The following ANO3 variants were observed in gnomAD, a reference collection of about 807,000 sequenced individuals.
ANO3 encodes the protein anoctamin-3.
Under a neutral mutation model 144.8 loss-of-function variants are expected in ANO3, and 99 were observed. The observed-to-expected ratio is 0.68, with a 90% confidence interval of 0.58 to 0.81. ANO3 has a LOEUF of 0.81. Ranked by LOEUF, ANO3 falls within the 30% of genes least tolerant of loss-of-function variation. The pLI is 0.00. For missense variants in ANO3, 905 were observed against 1,202.2 expected, an observed-to-expected ratio of 0.75 and a Z score of 3.66; for synonymous variants, 414 against 392.6, an observed-to-expected ratio of 1.05 and a Z score of -0.64.
At chr11:26,286,344 A>T (rs2133849053) in intron 1 of ANO3, among the ~76,000 whole-genome samples, 1 of 152,326 alleles carries the variant, frequency 6.6e-6, no homozygotes, top group South Asian at 2.1e-4. Context: ...GTCAATATTT[A>T]GTTCAGGGGT....
chr11:26,441,918 G>T lies in ANO3; in HGVS notation c.47G>T (p.Gly16Val), dbSNP rs1408780131. 16 of 1,609,310 alleles carry T rather than the reference G, an allele frequency of 9.9e-6. No homozygotes were observed. The highest frequency in any genetic ancestry group is 1.1e-5 in the Non-Finnish European group (13 of 1,178,158). ...GSIQSFKQQK[G>V]MNISKSEITK... Reference sequence around the variant, plus strand: ...AAAACTCAACATTTTGGATTTGCAGGTATGAATATAAGCAAGAGTGAGATA... The same window carrying T: ...AAAACTCAACATTTTGGATTTGCAGTTATGAATATAAGCAAGAGTGAGATA... The change falls in exon 2 of 27, where the codon GGT becomes GTT. Residue 16 changes from glycine to valine, a missense_variant and splice_region_variant. Physicochemically the swap from Gly to Val is moderately radical, Grantham distance 109 (BLOSUM62 -3). Around this residue, in one of 4 missense-constraint regions of ANO3, gnomAD observed 174 missense variants for 171.9 expected, o/e 1.01. Transcript: ENST00000256737.
At chr11:26,382,205 C>T (rs1856606796) in intron 1 of ANO3, among the ~76,000 whole-genome samples, 1 of 152,080 alleles carries the variant, frequency 6.6e-6, no homozygotes, top group Admixed American at 6.6e-5. Flanking sequence ...TGAAACATGT[C>T]AGTTAGGATT....
intron 1 of ANO3, among the ~76,000 whole-genome samples, chr11:26,261,786 C>G (rs755612719): frequency 4.6e-5 from 7 of 152,204 alleles, no homozygotes; most frequent in South Asian, 2.1e-4. Flanking sequence ...AATGGCTTAG[C>G]TTTGTAAAAG....
At chr11:26,416,437 T>C (rs1238010973) in intron 1 of ANO3, among the ~76,000 whole-genome samples, 1 of 150,982 alleles carries the variant, frequency 6.6e-6, no homozygotes, top group Non-Finnish European at 1.5e-5. Flanking sequence ...TCTTTCTTTC[T>C]TTTTTTTTGA....
At chr11:26,283,324 AT>A (rs1371819004) in intron 1 of ANO3, among the ~76,000 whole-genome samples, 446 of 18,274 alleles carry the variant, frequency 0.024, 9 homozygotes, top group African/African-American at 0.14. Flanking sequence ...ATAAATAAAT[AT>A]ATATATATAT....
chr11:26,640,003 C>T (rs185267442), intron 21 of ANO3, among the ~76,000 whole-genome samples: 1 of 140,752 alleles, frequency 7.1e-6, no homozygotes, highest in East Asian at 2.1e-4. Flanking sequence ...GGTTATATAT[C>T]AAATTATATT....
At chr11:26,513,736 G>A (rs892359278) in intron 5 of ANO3, among the ~76,000 whole-genome samples, 1 of 152,034 alleles carries the variant, frequency 6.6e-6, no homozygotes, top group African/African-American at 2.4e-5. Context: ...AATCCTGCAG[G>A]GAACCATTAG....
chr11:26,598,347 C>T lies in ANO3; in HGVS notation c.1448-18C>T, dbSNP rs1411233405. Reference sequence around the variant, plus strand: ...TGATGTGATTTGGGTAAAGAATTATCATTTTTATATTTTATAGCCACAGTC... The same window carrying T: ...TGATGTGATTTGGGTAAAGAATTATTATTTTTATATTTTATAGCCACAGTC... On this transcript the variant is annotated intron_variant, in intron 14 of 26. Transcript: ENST00000256737. 3 of 1,428,646 alleles carry T rather than the reference C, an allele frequency of 2.1e-6. No homozygotes were observed. Among genetic ancestry groups the T allele is most frequent in the Non-Finnish European group, 2.8e-6 (3 of 1,064,054 alleles). The allele number at this position is 1,428,646 out of a possible 1,614,324, so 88.5% of individuals were successfully genotyped here. A position where few individuals can be genotyped will look rare whatever the true frequency, so the allele number is the denominator to read the frequency against.
chr11:26,506,150 C>G (rs532375087), intron 4 of ANO3, among the ~76,000 whole-genome samples: 1 of 152,152 alleles, frequency 6.6e-6, no homozygotes, highest in Non-Finnish European at 1.5e-5. Context: ...CAAAAAAATT[C>G]CCTCACCTAA....
chr11:26,443,638 A>G, intron 2 of ANO3, 127 bp from the exon 3 acceptor site: 1 of 507,340 alleles, frequency 2.0e-6, no homozygotes, highest in Non-Finnish European at 3.4e-6. Context: ...TAAATAACTA[A>G]TTTTAATTCA....
chr11:26,403,272 CTT>C (rs1322776310), intron 1 of ANO3, among the ~76,000 whole-genome samples: 1 of 151,852 alleles, frequency 6.6e-6, no homozygotes, highest in Admixed American at 6.6e-5. Flanking sequence ...GGCTCTCTCT[CTT>C]TTATTGCAAT....
intron 1 of ANO3, among the ~76,000 whole-genome samples, chr11:26,429,900 G>A (rs1858029142): frequency 6.6e-6 from 1 of 151,314 alleles, no homozygotes; most frequent in Admixed American, 6.6e-5. Flanking sequence ...CTAATAGAAA[G>A]TTAACACCCT....
rs191699497 is a variant in ANO3 at position 26,564,827 on chromosome 11, G to T, written c.1447+5048G>T. The stretch of plus-strand genomic sequence containing the variant: ...ATTCACATGAGCATGTGAAATTTCA[G>T]GTAGTCTTTTCAAGATTCATTGAAA... On this transcript the variant is annotated intron_variant, in intron 14 of 26. Transcript: ENST00000256737. 9.1e-5 allele frequency among the ~76,000 whole-genome samples: 12 copies of T among 132,532 alleles called. No homozygotes were observed. The South Asian group carries it at 2.3e-3, about 25-fold the overall frequency. The allele number at this position is 132,532 out of a possible 152,430, so 86.9% of individuals were successfully genotyped here.
At chr11:26,657,988 A>G (rs77742780) in intron 26 of ANO3, among the ~76,000 whole-genome samples, 122 of 151,994 alleles carry the variant, frequency 8.0e-4, no homozygotes, top group African/African-American at 2.9e-3. Flanking sequence ...CCATTTGTCT[A>G]TTTTTGATTT....
chr11:26,243,993 T>C (rs113320494), intron 1 of ANO3, among the ~76,000 whole-genome samples: 85 of 151,848 alleles, frequency 5.6e-4, no homozygotes, highest in African/African-American at 2.0e-3. Context: ...TGGAGGTGTC[T>C]GTAGTCCCAG....
rs1212931199 is a variant in ANO3 at position 26,662,052 on chromosome 11, T to C, written c.*1608T>C. 6.6e-6 allele frequency: 1 copy of C among 152,128 alleles called. No homozygotes were observed. Among genetic ancestry groups the C allele is most frequent in the East Asian group, 1.9e-4 (1 of 5,194 alleles). The allele number at this position is 152,128 out of a possible 1,614,324, so 9.4% of individuals were successfully genotyped here. A position where few individuals can be genotyped will look rare whatever the true frequency, so the allele number is the denominator to read the frequency against. On this transcript the variant is annotated 3_prime_UTR_variant, in exon 27 of 27. Coordinates refer to ENST00000256737, the MANE Select transcript of ANO3 (RefSeq NM_031418.4). Reference sequence around the variant, plus strand: ...AAGCTACTACATATATATGCCAGTATTTCTCTAGTAAGATTATGTTTCTCT... The same window carrying C: ...AAGCTACTACATATATATGCCAGTACTTCTCTAGTAAGATTATGTTTCTCT...
chr11:26,519,527 A>G (rs1263332070), intron 6 of ANO3, among the ~76,000 whole-genome samples: 2 of 152,202 alleles, frequency 1.3e-5, no homozygotes, highest in Non-Finnish European at 2.9e-5. Context: ...ACAAACATTT[A>G]CTTGTCACAG....
chr11:26,648,057 G>GT (rs1853406240), intron 24 of ANO3, among the ~76,000 whole-genome samples: 1 of 152,024 alleles, frequency 6.6e-6, no homozygotes. Context: ...TCCGTCTACT[G>GT]TTTTTACTTG....
chr11:26,403,558 CACCTTAGTTATCCCCGCTTTACTTCCTCT>C (rs1857203857), intron 1 of ANO3, among the ~76,000 whole-genome samples: 1 of 151,878 alleles, frequency 6.6e-6, no homozygotes, highest in Non-Finnish European at 1.5e-5. Flanking sequence ...ACTTCGGTAG[CACCTTAGTTATCCCCGCTTTACTTCCTCT>C]AGACTGTTTT....
Sources: gnomAD v4.1 joint callset for allele counts (sites outside exome capture counted in the v4.1 genomes callset) on GRCh38, gnomAD v4.1.1 for gene constraint, gnomAD v4.1.1 regional missense constraint, MANE v1.5 for transcripts, NCBI Gene and HGNC (gene_info 2026-07-23, HGNC 2026-07-21) for gene names.